LGALS9C: variants seen among roughly 807,000 people sequenced by gnomAD.
LGALS9C encodes galectin 9C, also known as galectin-9C.
LGALS9C carries 7 observed loss-of-function variants against 41.3 expected under a neutral mutation model. The observed-to-expected ratio is 0.17, with a 90% CI of 0.10 to 0.32. The LOEUF (loss-of-function observed/expected upper bound fraction) is 0.32, where lower values mean the gene tolerates loss of function less well. Ranked by LOEUF, LGALS9C falls within the 10% of genes least tolerant of loss-of-function variation. LGALS9C has a pLI of 1.00. For synonymous variants in LGALS9C, 44 were observed against 171.0 expected, an observed-to-expected ratio of 0.26 and a Z score of 5.80; for missense variants, 102 against 455.2, an observed-to-expected ratio of 0.22 and a Z score of 7.06.
intron 8 of LGALS9C, 172 bp from the exon 9 acceptor site, chr17:18,492,285 A>G: frequency 1.1e-5 from 9 of 829,552 alleles, no homozygotes; most frequent in Non-Finnish European, 1.7e-5. Context: ...TAAGCCCATT[A>G]ATTTGAGGAG....
intron 2 of LGALS9C, among the ~76,000 whole-genome samples, chr17:18,484,775 C>G (rs375370687): frequency 0.12 from 17,287 of 139,934 alleles, 42 homozygotes; most frequent in African/African-American, 0.27. Flanking sequence ...ACCTCAGCTC[C>G]GCCACCTAGA....
chr17:18,488,770 C>T lies in LGALS9C; in HGVS notation c.445-171C>T, dbSNP rs536232019. Reference sequence around the variant, plus strand: ...GCTGGAGGGAGACTGTCCCCCTGCGCTGCTCACCGAAGCCTGGCCCTTTCC... The same window carrying T: ...GCTGGAGGGAGACTGTCCCCCTGCGTTGCTCACCGAAGCCTGGCCCTTTCC... On this transcript the variant is annotated intron_variant, in intron 4 of 10. Coordinates refer to ENST00000328114, the MANE Select transcript of LGALS9C (RefSeq NM_001040078.3). 2.9e-5 allele frequency among the ~76,000 whole-genome samples: 4 copies of T among 135,636 alleles called. No individual in the cohort carries two copies. In the East Asian group the frequency reaches 7.9e-4, roughly 27 times the overall value. The allele number at this position is 135,636 out of a possible 152,430, so 89.0% of individuals were successfully genotyped here.
At position 18,478,431 on chromosome 17, in the gene LGALS9C, C is replaced by T. The variant is rs571067805; in HGVS notation, c.39+1538C>T. Among the ~76,000 whole-genome samples, 147 of 122,098 alleles carry T rather than the reference C, an allele frequency of 1.2e-3. 6 individuals carry two copies. The highest frequency in any genetic ancestry group is 3.5e-3 in the African/African-American group (133 of 37,488). 80.1% of individuals were successfully genotyped at this position (122,098 alleles called of 152,430 possible). A position where few individuals can be genotyped will look rare whatever the true frequency, so the allele number is the denominator to read the frequency against. ...GTGTCCAGAGCTCCCCTCTACCCTA[C>T]GGGGGCTCCCCTGGGTTGGGACACT... is the stretch of plus-strand genomic sequence containing the variant. On this transcript the variant is annotated intron_variant, in intron 1 of 10. Coordinates refer to ENST00000328114, the MANE Select transcript of LGALS9C (RefSeq NM_001040078.3).
intron 10 of LGALS9C, among the ~76,000 whole-genome samples, chr17:18,493,373 A>G (rs1299266367): frequency 8.4e-6 from 1 of 118,436 alleles, no homozygotes; most frequent in Non-Finnish European, 2.0e-5. Flanking sequence ...GATGAGATAG[A>G]GCGAGCCTGG....
intron 2 of LGALS9C, chr17:18,484,399 C>T (rs1184448371): frequency 4.3e-6 from 1 of 230,036 alleles, no homozygotes; most frequent in African/African-American, 2.2e-5. Flanking sequence ...GGTTTCAAGG[C>T]CTTTTCTGGA....
intron 2 of LGALS9C, among the ~76,000 whole-genome samples, chr17:18,484,635 T>C (rs1294348638): frequency 6.7e-6 from 1 of 149,230 alleles, no homozygotes; most frequent in Non-Finnish European, 1.5e-5. Context: ...GGACCACGGG[T>C]GGCTGCCTGC....
rs773611629 is a variant in LGALS9C at position 18,492,583 on chromosome 17, G to A, written c.761+38G>A. The A allele has an allele frequency of 5.0e-6, 8 of 1,588,716 alleles. 2 individuals are homozygous for A. Among genetic ancestry groups the A allele is most frequent in the Non-Finnish European group, 6.9e-6 (8 of 1,162,262 alleles). On this transcript the variant is annotated intron_variant, in intron 9 of 10. Transcript: ENST00000328114. Reference sequence around the variant, plus strand: ...CTCCAGTGACCTCTGGGAAGAGAGAGCCCTTCAAGGTCATTCCAGCCATTC... The same window carrying A: ...CTCCAGTGACCTCTGGGAAGAGAGAACCCTTCAAGGTCATTCCAGCCATTC...
chr17:18,493,046 G>A (rs918815715), intron 10 of LGALS9C, among the ~76,000 whole-genome samples, 187 bp downstream of exon 10: 4 of 128,056 alleles, frequency 3.1e-5, no homozygotes, highest in East Asian at 4.0e-4. Context: ...TGAAGGAAGC[G>A]TTGGGATCTG....
chr17:18,487,825 C>G (rs1281281922), intron 4 of LGALS9C, 68 bp downstream of exon 4: 38 of 1,578,906 alleles, frequency 2.4e-5, no homozygotes, highest in Non-Finnish European at 3.2e-5. Flanking sequence ...TGTGCTTAGG[C>G]CCAGCTGGGG....
At chr17:18,477,019 G>A (rs1989229193) in intron 1 of LGALS9C, 126 bp downstream of exon 1, 1 of 1,099,942 alleles carries the variant, frequency 9.1e-7, no homozygotes, top group Non-Finnish European at 1.3e-6. Flanking sequence ...ACACAAGCAG[G>A]GCAGAAATGT....
intron 1 of LGALS9C, among the ~76,000 whole-genome samples, chr17:18,477,492 T>C (rs976128390): frequency 8.2e-6 from 1 of 121,834 alleles, no homozygotes; most frequent in African/African-American, 2.5e-5. Context: ...CGAGGAGGTG[T>C]CTGTGCTCTG....
At chr17:18,482,312 A>AT (rs1465533035) in intron 1 of LGALS9C, among the ~76,000 whole-genome samples, 47 of 131,224 alleles carry the variant, frequency 3.6e-4, no homozygotes, top group African/African-American at 1.2e-3. Flanking sequence ...CATCTGGCCA[A>AT]TTTTTTTATT....
chr17:18,477,163 G>A (rs533666470), intron 1 of LGALS9C, among the ~76,000 whole-genome samples: 2 of 134,130 alleles, frequency 1.5e-5, no homozygotes, highest in Admixed American at 7.2e-5. Flanking sequence ...CAGGGGAAGA[G>A]GTGTAGAGTG....
intron 3 of LGALS9C, chr17:18,487,019 C>A (rs4924887): frequency 0.09 from 12,810 of 141,792 alleles, 104 homozygotes; most frequent in African/African-American, 0.23. Context: ...TATACTCATA[C>A]CCTGGAACTT....
At chr17:18,482,228 CT>C (rs1473178710) in intron 1 of LGALS9C, among the ~76,000 whole-genome samples, 1 of 134,422 alleles carries the variant, frequency 7.4e-6, no homozygotes, top group Non-Finnish European at 1.7e-5. Context: ...TCACTACAGC[CT>C]CGACCTCCCA....
rs1166687895 is a variant in LGALS9C at position 18,482,507 on chromosome 17, C to CAAAA, written c.40-1353_40-1350dup. 1.8e-3 allele frequency among the ~76,000 whole-genome samples: 169 copies of CAAAA among 94,714 alleles called. No homozygotes were observed. The Middle Eastern group carries it at 0.019, about 11-fold the overall frequency. The allele number at this position is 94,714 out of a possible 152,430, so 62.1% of individuals were successfully genotyped here. A position where few individuals can be genotyped will look rare whatever the true frequency, so the allele number is the denominator to read the frequency against. On this transcript the variant is annotated intron_variant, in intron 1 of 10. Transcript: ENST00000328114. ...TCCCCCAAGAAATTAGAAAGTTTTA[C>CAAAA]AAAAAAAAAAAAAAAAAATTCAGGT...
intron 4 of LGALS9C, 47 bp downstream of exon 4, chr17:18,487,804 C>T (rs1351026005): frequency 6.3e-7 from 1 of 1,581,844 alleles, no homozygotes; most frequent in Non-Finnish European, 8.7e-7. Flanking sequence ...GGATGCAGGG[C>T]CCAGCGTAGC....
intron 5 of LGALS9C, chr17:18,490,493 CCT>C: frequency 1.6e-6 from 1 of 623,726 alleles, no homozygotes; most frequent in East Asian, 2.7e-5. Flanking sequence ...AACCCAGCCT[CCT>C]CTCTCTCGAG....
chr17:18,479,801 C>A (rs1316139321), intron 1 of LGALS9C, among the ~76,000 whole-genome samples: 1 of 128,292 alleles, frequency 7.8e-6, no homozygotes, highest in Non-Finnish European at 1.9e-5. Flanking sequence ...ATCGTGTGAG[C>A]AAGGTTGTCT....
Sources: gnomAD v4.1 joint callset for allele counts (sites outside exome capture counted in the v4.1 genomes callset) on GRCh38, gnomAD v4.1.1 for gene constraint, MANE v1.5 for transcripts, NCBI Gene and HGNC (gene_info 2026-07-23, HGNC 2026-07-21) for gene names.